ADGRV1: variants seen among roughly 807,000 people sequenced by gnomAD.
ADGRV1 encodes adhesion G protein-coupled receptor V1.
In ADGRV1, 359 loss-of-function variants were observed where a neutral mutation model predicts 596.2. The ratio of observed to expected loss-of-function variants is 0.60; its 90% confidence interval spans 0.55 to 0.66. ADGRV1 has a LOEUF of 0.66. ADGRV1 is among the 30% of genes least tolerant of loss of function. The pLI is 0.00. For synonymous variants in ADGRV1, 2,681 were observed against 2,679.2 expected, an observed-to-expected ratio of 1.00 and a Z score of -0.02; for missense variants, 7,274 against 7,575.6, an observed-to-expected ratio of 0.96 and a Z score of 1.48.
intron 32 of ADGRV1, 36 bp from the exon 33 acceptor site, chr5:90,693,854 C>T (rs1167381757): frequency 6.9e-6 from 10 of 1,454,106 alleles, no homozygotes; most frequent in Middle Eastern, 2.3e-4. Flanking sequence ...ACTTTGAGTG[C>T]TTAACCTGTC....
rs1046095392 is a variant in ADGRV1, at chr5:90,747,274, G to A, written c.10974+1479G>A. Among the ~76,000 whole-genome samples the A allele has an allele frequency of 5.1e-4, 78 of 152,122 alleles. 2 individuals are homozygous for A. The highest frequency in any genetic ancestry group is 5.0e-3 in the Admixed American group (77 of 15,264). Reference sequence around the variant, plus strand: ...CATCTGGAGCAACAAGGAGGCCACTGTGGCTGATGTCTGCATGTGATAGGG... The same window carrying A: ...CATCTGGAGCAACAAGGAGGCCACTATGGCTGATGTCTGCATGTGATAGGG... On this transcript the variant is annotated intron_variant, in intron 52 of 89. Transcript: ENST00000405460.
intron 40 of ADGRV1, 52 bp from the exon 41 acceptor site, chr5:90,711,132 A>C: frequency 6.3e-7 from 1 of 1,580,234 alleles, no homozygotes; most frequent in East Asian, 2.2e-5. Flanking sequence ...AAAAGTTTCT[A>C]AGGGAAAAAT....
At chr5:90,904,081 G>A (rs868338276) in intron 83 of ADGRV1, among the ~76,000 whole-genome samples, 2 of 151,888 alleles carry the variant, frequency 1.3e-5, no homozygotes, top group African/African-American at 2.4e-5. Context: ...TTTTGTTGCA[G>A]ATGATAGGAT....
chr5:90,684,385 A>T (rs1745337909), intron 28 of ADGRV1, among the ~76,000 whole-genome samples, 190 bp downstream of exon 28: 2 of 152,206 alleles, frequency 1.3e-5, no homozygotes, highest in African/African-American at 4.8e-5. Flanking sequence ...ATTATGTTTT[A>T]AAAGTCAGTA....
At chr5:90,609,327 G>A (rs1057106174) in intron 1 of ADGRV1, among the ~76,000 whole-genome samples, 3 of 151,786 alleles carry the variant, frequency 2.0e-5, no homozygotes, top group African/African-American at 7.3e-5. Flanking sequence ...AAAATAAAAT[G>A]TATTTCTTAT....
chr5:90,868,274 A>C (rs1315040786), intron 83 of ADGRV1, among the ~76,000 whole-genome samples: 1 of 152,144 alleles, frequency 6.6e-6, no homozygotes, highest in African/African-American at 2.4e-5. Context: ...ATTTTATTTA[A>C]GAAATCCCAT....
intron 50 of ADGRV1, among the ~76,000 whole-genome samples, chr5:90,743,700 C>T (rs565997116): frequency 3.3e-5 from 5 of 151,846 alleles, no homozygotes; most frequent in Non-Finnish European, 5.9e-5. Context: ...CTCGATCTCC[C>T]GACCTCGTGA....
intron 1 of ADGRV1, among the ~76,000 whole-genome samples, chr5:90,608,881 G>A (rs1266014614): frequency 1.3e-5 from 2 of 152,074 alleles, no homozygotes; most frequent in African/African-American, 4.8e-5. Flanking sequence ...ATGTGGTCTA[G>A]GAAAGTGCAA....
chr5:90,664,518 G>C (rs1770957191), intron 21 of ADGRV1, among the ~76,000 whole-genome samples: 1 of 144,104 alleles, frequency 6.9e-6, no homozygotes, highest in African/African-American at 2.6e-5. Context: ...TTTGGGCTGA[G>C]ACAGTGGGGT....
chr5:90,594,643 G>A (rs1437851787), intron 1 of ADGRV1, among the ~76,000 whole-genome samples: 7 of 148,628 alleles, frequency 4.7e-5, no homozygotes, highest in Admixed American at 6.6e-5. Context: ...CTTCCACAGC[G>A]TTTGTGTCCC....
chr5:90,945,502 C>T (rs1276519419), intron 83 of ADGRV1, among the ~76,000 whole-genome samples: 1 of 152,096 alleles, frequency 6.6e-6, no homozygotes, highest in Non-Finnish European at 1.5e-5. Context: ...TTGGCCAATC[C>T]AGGGCTTGTT....
At chr5:90,948,362 C>T (rs142115239) in intron 83 of ADGRV1, among the ~76,000 whole-genome samples, 78 of 152,106 alleles carry the variant, frequency 5.1e-4, no homozygotes, top group African/African-American at 1.7e-3. Flanking sequence ...CCTTAGGTGA[C>T]CACGGAACCT....
intron 23 of ADGRV1, 92 bp from the exon 24 acceptor site, chr5:90,675,151 G>A: frequency 9.0e-7 from 1 of 1,112,684 alleles, no homozygotes; most frequent in African/African-American, 1.6e-5. Context: ...TTGGCCTGGT[G>A]ATCAAAATAA....
rs901425996 is a variant in ADGRV1, at chr5:90,693,954, G to A, written c.7198G>A (p.Ala2400Thr). The A allele has an allele frequency of 6.2e-7, 1 of 1,606,474 alleles. No individual in the cohort carries two copies. Among genetic ancestry groups the A allele is most frequent in the African/African-American group, 1.3e-5 (1 of 74,770 alleles). Residue 2400 changes from alanine to threonine, a missense_variant, in exon 33 of 90, where the codon GCA becomes ACA. Physicochemically the swap from Ala to Thr is moderately conservative, Grantham distance 58. Coordinates refer to ENST00000405460, the MANE Select transcript of ADGRV1 (RefSeq NM_032119.4). ...TTCCGACATTGATGTAGTGGCTCTGGCAATGGAGGAAGGTCAAGATTTACT... is the reference window on the plus strand; with the variant it reads ...TTCCGACATTGATGTAGTGGCTCTGACAATGGAGGAAGGTCAAGATTTACT... ...STSDIDVVALAMEEGQDLLSY... is the reference protein window; with the variant it reads ...STSDIDVVALTMEEGQDLLSY...
At chr5:90,778,234 C>G (rs374638001) in intron 62 of ADGRV1, among the ~76,000 whole-genome samples, 191 bp downstream of exon 62, 1 of 150,222 alleles carries the variant, frequency 6.7e-6, no homozygotes, top group East Asian at 2.0e-4. Flanking sequence ...TGTGTGTGTA[C>G]GGTTGACAAT....
chr5:91,058,238 C>T (rs545494402), intron 85 of ADGRV1, among the ~76,000 whole-genome samples: 1 of 152,198 alleles, frequency 6.6e-6, no homozygotes, highest in South Asian at 2.1e-4. Context: ...GGTGGCATGA[C>T]CTCTACTATC....
chr5:90,683,291 G>A (rs539134704), intron 27 of ADGRV1, among the ~76,000 whole-genome samples: 16 of 152,166 alleles, frequency 1.1e-4, no homozygotes, highest in Non-Finnish European at 1.8e-4. Flanking sequence ...GCTGACTGCA[G>A]CCTCGAAGTC....
intron 70 of ADGRV1, among the ~76,000 whole-genome samples, chr5:90,800,099 GCTT>G (rs1352896321): frequency 2.6e-5 from 4 of 152,172 alleles, no homozygotes; most frequent in Non-Finnish European, 4.4e-5. Flanking sequence ...AAACTAAAGA[GCTT>G]CTGCACAGCA....
At chr5:91,142,389 G>A (rs978834903) in intron 87 of ADGRV1, among the ~76,000 whole-genome samples, 1 of 152,146 alleles carries the variant, frequency 6.6e-6, no homozygotes, top group Non-Finnish European at 1.5e-5. Context: ...TTGAGATGAA[G>A]AGAGCATAAT....
Sources: gnomAD v4.1 joint callset for allele counts (sites outside exome capture counted in the v4.1 genomes callset) on GRCh38, gnomAD v4.1.1 for gene constraint, MANE v1.5 for transcripts, NCBI Gene and HGNC (gene_info 2026-07-23, HGNC 2026-07-21) for gene names.